SMARCAL1: variants seen among roughly 807,000 people sequenced by gnomAD.
The protein encoded by SMARCAL1 is ATP-driven annealing helicase.
SMARCAL1 carries 58 observed loss-of-function variants against 94.5 expected under a neutral mutation model. The ratio of observed to expected loss-of-function variants is 0.61; its 90% CI spans 0.50 to 0.76. SMARCAL1 has a LOEUF of 0.76. SMARCAL1 is among the 30% of genes least tolerant of loss of function. SMARCAL1 has a pLI of 0.00. For synonymous variants in SMARCAL1, 422 were observed against 455.1 expected (o/e 0.93, Z 0.93); for missense variants, 1,051 against 1,177.9 (o/e 0.89, Z 1.58).
intron 5 of SMARCAL1, 60 bp from the exon 6 acceptor site, chr2:216,423,573 G>A (rs370908514): frequency 2.2e-6 from 3 of 1,354,818 alleles, no homozygotes; most frequent in Non-Finnish European, 3.2e-6. Flanking sequence ...ATGAGTAAGT[G>A]TGATCACGTA....
intron 12 of SMARCAL1, among the ~76,000 whole-genome samples, chr2:216,454,416 T>C (rs1694514128): frequency 6.6e-6 from 1 of 152,244 alleles, no homozygotes; most frequent in Non-Finnish European, 1.5e-5. Flanking sequence ...GCTTTACGTG[T>C]ATTGCGTCAT....
chr2:216,425,157 A>T, intron 6 of SMARCAL1, among the ~76,000 whole-genome samples: 1 of 152,176 alleles, frequency 6.6e-6, no homozygotes, highest in Non-Finnish European at 1.5e-5. Flanking sequence ...ACCAGTCCAG[A>T]TTCCACACCC....
intron 3 of SMARCAL1, chr2:216,416,049 A>G (rs1426440430): frequency 5.4e-5 from 29 of 533,400 alleles, no homozygotes; most frequent in Non-Finnish European, 3.8e-5. Context: ...ATAACTTCCC[A>G]GGGCCTGAGT....
At chr2:216,467,911 T>A in intron 13 of SMARCAL1, 33 bp from the exon 14 acceptor site, 1 of 1,271,082 alleles carries the variant, frequency 7.9e-7, no homozygotes. Flanking sequence ...GGAGTATATG[T>A]TTAATCTGTT....
intron 13 of SMARCAL1, among the ~76,000 whole-genome samples, 200 bp from the exon 14 acceptor site, chr2:216,467,744 C>T (rs1694860429): frequency 1.3e-5 from 2 of 152,074 alleles, no homozygotes; most frequent in African/African-American, 4.8e-5. Flanking sequence ...CCTTAGTCCC[C>T]TCCCTAAATG....
chr2:216,416,435 CA>C, intron 4 of SMARCAL1, 128 bp downstream of exon 4: 1 of 730,592 alleles, frequency 1.4e-6, no homozygotes, highest in Non-Finnish European at 2.4e-6. Context: ...GCACCCCCCC[CA>C]ACACTCCTTC....
chr2:216,473,322 G>A (rs1190498162), intron 14 of SMARCAL1, among the ~76,000 whole-genome samples: 1 of 147,404 alleles, frequency 6.8e-6, no homozygotes, highest in Non-Finnish European at 1.5e-5. Context: ...TATCCATGTT[G>A]TTGTGTGTCT....
chr2:216,455,036 G>A (rs1694532833), intron 12 of SMARCAL1, among the ~76,000 whole-genome samples: 1 of 152,238 alleles, frequency 6.6e-6, no homozygotes, highest in Admixed American at 6.5e-5. Flanking sequence ...TTAGCAAACT[G>A]CACACCAGGA....
At chr2:216,443,464 G>C (rs781300239) in intron 10 of SMARCAL1, among the ~76,000 whole-genome samples, 2 of 150,920 alleles carry the variant, frequency 1.3e-5, no homozygotes, top group Admixed American at 1.3e-4. Flanking sequence ...GGTATTTTTG[G>C]TCCAATATAC....
At chr2:216,415,979 C>T (rs1268454405) in intron 3 of SMARCAL1, 6 of 442,766 alleles carry the variant, frequency 1.4e-5, no homozygotes, top group East Asian at 4.9e-5. Flanking sequence ...GACCACACTA[C>T]GACCTGGAGA....
At chr2:216,461,840 A>AC (rs1694714179) in intron 12 of SMARCAL1, among the ~76,000 whole-genome samples, 1 of 152,088 alleles carries the variant, frequency 6.6e-6, no homozygotes, top group African/African-American at 2.4e-5. Context: ...AAAAAAAAAA[A>AC]AAACAAACCA....
At chr2:216,455,530 T>C (rs1694546066) in intron 12 of SMARCAL1, among the ~76,000 whole-genome samples, 1 of 152,156 alleles carries the variant, frequency 6.6e-6, no homozygotes, top group Non-Finnish European at 1.5e-5. Flanking sequence ...GGCAGCAACA[T>C]CTGCTCTTCA....
chr2:216,473,593 TAAC>T (rs898180366), intron 14 of SMARCAL1, among the ~76,000 whole-genome samples: 2 of 152,096 alleles, frequency 1.3e-5, no homozygotes, highest in African/African-American at 4.8e-5. Context: ...TTAGAACACT[TAAC>T]AATACAGTTT....
At chr2:216,469,679 G>A (rs558969308) in intron 14 of SMARCAL1, among the ~76,000 whole-genome samples, 1 of 152,238 alleles carries the variant, frequency 6.6e-6, no homozygotes, top group African/African-American at 2.4e-5. Flanking sequence ...ATTATAGTAG[G>A]TGTATGTTTG....
At chr2:216,448,000 T>G (rs1694356990) in intron 11 of SMARCAL1, among the ~76,000 whole-genome samples, 2 of 152,320 alleles carry the variant, frequency 1.3e-5, no homozygotes, top group South Asian at 4.2e-4. Context: ...GTACATGATA[T>G]AAATAAGAGT....
chr2:216,473,363 TC>T (rs1695006530), intron 14 of SMARCAL1, among the ~76,000 whole-genome samples: 1 of 151,762 alleles, frequency 6.6e-6, no homozygotes, highest in Non-Finnish European at 1.5e-5. Flanking sequence ...TCCTTGGTTT[TC>T]CTTTTTTTTT....
chr2:216,435,622 C>T, intron 9 of SMARCAL1, 126 bp downstream of exon 9: 1 of 858,562 alleles, frequency 1.2e-6, no homozygotes, highest in Non-Finnish European at 1.9e-6. Context: ...ATAGAAATCA[C>T]TGTCTTTATT....
intron 7 of SMARCAL1, among the ~76,000 whole-genome samples, chr2:216,430,072 G>C (rs1693931619): frequency 6.6e-6 from 1 of 152,144 alleles, no homozygotes; most frequent in African/African-American, 2.4e-5. Context: ...CCATCCTTGG[G>C]CCCACGTGTT....
chr2:216,446,817 G>T, intron 10 of SMARCAL1: 1 of 686,014 alleles, frequency 1.5e-6, no homozygotes. Context: ...CTAGGATAGA[G>T]CTCAGCAGAG....
Sources: gnomAD v4.1 joint callset for allele counts (sites outside exome capture counted in the v4.1 genomes callset) on GRCh38, gnomAD v4.1.1 for gene constraint, MANE v1.5 for transcripts, NCBI Gene and HGNC (gene_info 2026-07-23, HGNC 2026-07-21) for gene names.